KCNT2: variants seen among roughly 807,000 people sequenced by gnomAD.
KCNT2 encodes potassium channel subfamily T member 2.
Under a neutral mutation model 153.8 loss-of-function variants are expected in KCNT2, and 67 were observed. The observed-to-expected ratio is 0.44, with a 90% CI of 0.36 to 0.53. The LOEUF is 0.53. Ranked by LOEUF, KCNT2 falls within the 20% of genes least tolerant of loss-of-function variation. KCNT2 has a pLI of 0.00. For synonymous variants in KCNT2, 500 were observed against 458.8 expected (o/e 1.09, Z -1.15); for missense variants, 975 against 1,354.8 (o/e 0.72, Z 4.40).
At chr1:196,539,250 G>A (rs1034898789) in intron 1 of KCNT2, among the ~76,000 whole-genome samples, 7 of 152,082 alleles carry the variant, frequency 4.6e-5, no homozygotes, top group African/African-American at 1.7e-4. Context: ...CATACAGATG[G>A]ATGCCATACG....
intron 21 of KCNT2, among the ~76,000 whole-genome samples, chr1:196,309,554 G>T (rs1297062105): frequency 2.0e-5 from 3 of 151,678 alleles, no homozygotes; most frequent in African/African-American, 7.3e-5. Context: ...ATGTTATTTT[G>T]GACTGAGAAA....
intron 18 of KCNT2, 114 bp from the exon 19 acceptor site, chr1:196,327,003 TC>T: frequency 1.6e-6 from 1 of 617,870 alleles, no homozygotes; most frequent in South Asian, 2.4e-5. Context: ...ATCCTTATTT[TC>T]TAATAAATTT....
chr1:196,408,069 A>G (rs1286384754), intron 12 of KCNT2, among the ~76,000 whole-genome samples: 1 of 151,416 alleles, frequency 6.6e-6, no homozygotes, highest in East Asian at 1.9e-4. Context: ...CCACTTGCCA[A>G]TGTTTCTCGA....
rs568714603 is a variant in KCNT2, at chr1:196,270,013, A to C, written c.2910+10847T>G. Among the ~76,000 whole-genome samples the C allele has an allele frequency of 2.0e-5, 3 of 152,020 alleles. No homozygotes were observed. The South Asian group carries it at 6.2e-4, about 32-fold the overall frequency. On this transcript the variant is annotated intron_variant, in intron 25 of 27. Transcript: ENST00000294725. The stretch of plus-strand genomic sequence containing the variant: ...ATTTATGTCACTAATACTATTTTTT[A>C]ATTGTTTTTCTTATGAAATCAGACT...
At chr1:196,552,357 A>T (rs1018264675) in intron 1 of KCNT2, among the ~76,000 whole-genome samples, 1 of 151,370 alleles carries the variant, frequency 6.6e-6, no homozygotes. Flanking sequence ...AGGAGTCTTT[A>T]TAATAGTGCA....
At chr1:196,332,743 T>C (rs912190106) in intron 17 of KCNT2, among the ~76,000 whole-genome samples, 10 of 151,938 alleles carry the variant, frequency 6.6e-5, no homozygotes, top group Non-Finnish European at 1.5e-4. Context: ...CTTTCTGAAG[T>C]AGTAATTACA....
At chr1:196,532,900 A>C (rs1399654783) in intron 1 of KCNT2, among the ~76,000 whole-genome samples, 2 of 152,066 alleles carry the variant, frequency 1.3e-5, no homozygotes, top group African/African-American at 4.8e-5. Flanking sequence ...TAACTTCTCC[A>C]TATCATCTTG....
intron 25 of KCNT2, chr1:196,273,421 A>G (rs931181157): frequency 7.7e-6 from 10 of 1,306,204 alleles, no homozygotes; most frequent in Non-Finnish European, 1.1e-5. Flanking sequence ...CTCTGAATTA[A>G]TATATTACAC....
At chr1:196,289,053 A>G (rs1659942533) in intron 22 of KCNT2, among the ~76,000 whole-genome samples, 1 of 151,816 alleles carries the variant, frequency 6.6e-6, no homozygotes, top group Non-Finnish European at 1.5e-5. Flanking sequence ...ACATAATAAA[A>G]CCTCTAAAAT....
chr1:196,435,464 A>C (rs1369272067), intron 8 of KCNT2, among the ~76,000 whole-genome samples: 1 of 151,496 alleles, frequency 6.6e-6, no homozygotes, highest in East Asian at 1.9e-4. Flanking sequence ...ATAATGTACA[A>C]GTAAATAATA....
At chr1:196,345,894 G>T (rs897924879) in intron 14 of KCNT2, among the ~76,000 whole-genome samples, 3 of 152,042 alleles carry the variant, frequency 2.0e-5, no homozygotes, top group Non-Finnish European at 4.4e-5. Context: ...AGACATCATG[G>T]GGAAATCTTA....
At chr1:196,328,154 C>T (rs1464973034) in intron 18 of KCNT2, among the ~76,000 whole-genome samples, 1 of 151,956 alleles carries the variant, frequency 6.6e-6, no homozygotes, top group Non-Finnish European at 1.5e-5. Context: ...GAACAAGAGG[C>T]TATGTAAAAT....
At position 196,429,754 on chromosome 1, in the gene KCNT2, A is replaced by G. The variant is rs751639463; in HGVS notation, c.642T>C (p.Ile214=). ...TTCGTTCCAGATGTTGGATCCCACA[A>G]ATGCTAAAGAAACAAATATGCATTA... The part of the protein sequence containing the change: ...STLLCLIFTC[I]CGIQHLERIG... Residue 214 remains isoleucine (I), a synonymous_variant, in exon 9 of 28, where the codon ATT becomes ATC. Coordinates refer to ENST00000294725, the MANE Select transcript of KCNT2 (RefSeq NM_198503.5). The G allele has an allele frequency of 6.3e-7, 1 of 1,588,652 alleles. No homozygotes were observed. The highest frequency in any genetic ancestry group is 2.3e-5 in the East Asian group (1 of 44,344).
chr1:196,479,084 C>A, intron 5 of KCNT2, 95 bp downstream of exon 5: 1 of 796,428 alleles, frequency 1.3e-6, no homozygotes, highest in Non-Finnish European at 2.1e-6. Flanking sequence ...GAAGAGTCAG[C>A]CTTACCTTCC....
intron 1 of KCNT2, among the ~76,000 whole-genome samples, chr1:196,530,068 A>C (rs887146760): frequency 5.9e-5 from 9 of 151,994 alleles, no homozygotes; most frequent in African/African-American, 1.7e-4. Context: ...ATTTTTTGAC[A>C]CACATCATAC....
At chr1:196,398,713 T>C (rs756130497) in intron 12 of KCNT2, 42 bp from the exon 13 acceptor site, 24 of 1,011,792 alleles carry the variant, frequency 2.4e-5, no homozygotes, top group Non-Finnish European at 3.5e-5. Flanking sequence ...TAAGTTACAA[T>C]GTTTATAACA....
chr1:196,411,238 A>G (rs1303853239), intron 12 of KCNT2, among the ~76,000 whole-genome samples: 1 of 150,728 alleles, frequency 6.6e-6, no homozygotes, highest in Non-Finnish European at 1.5e-5. Flanking sequence ...CTATATGTGC[A>G]TAGGTTTATT....
Position 196,283,309 on chromosome 1 carries a change from C to T in KCNT2, c.2698-953G>A, listed in dbSNP as rs574238138. Among the ~76,000 whole-genome samples, 77 of 152,022 alleles carry T rather than the reference C, an allele frequency of 5.1e-4. 1 individual carries two copies. Among genetic ancestry groups the T allele is most frequent in the Admixed American group, 1.0e-3 (16 of 15,266 alleles). On this transcript the variant is annotated intron_variant, in intron 23 of 27. Coordinates refer to ENST00000294725, the MANE Select transcript of KCNT2 (RefSeq NM_198503.5). ...ACAGAAAATTAGCTGGGCGTGGTGG[C>T]GGGCACCTGTAGTCCCAGCTACTTG...
chr1:196,261,162 T>C lies in KCNT2; in HGVS notation c.2911-2668A>G, dbSNP rs548555246. On this transcript the variant is annotated intron_variant, in intron 25 of 27. Coordinates refer to ENST00000294725, the MANE Select transcript of KCNT2 (RefSeq NM_198503.5). ...CCATCATAATCTAGTGGAAATAGTA[T>C]AGTGCTGGATACACAACAGTGCCTT... Among the ~76,000 whole-genome samples, 94 of 152,022 alleles carry C rather than the reference T, an allele frequency of 6.2e-4. No individual in the cohort carries two copies. The South Asian group carries it at 0.015, about 24-fold the overall frequency.
Sources: gnomAD v4.1 joint callset for allele counts (sites outside exome capture counted in the v4.1 genomes callset) on GRCh38, gnomAD v4.1.1 for gene constraint, MANE v1.5 for transcripts, NCBI Gene and HGNC (gene_info 2026-07-23, HGNC 2026-07-21) for gene names.